ATP8A2: variants seen among roughly 807,000 people sequenced by gnomAD.
ATP8A2 encodes phospholipid-transporting ATPase IB.
ATP8A2 carries 100 observed loss-of-function variants against 165.6 expected under a neutral mutation model. That is an observed-to-expected ratio of 0.60 (90% CI 0.51 to 0.71). The LOEUF is 0.71. Ranked by LOEUF, ATP8A2 falls within the 30% of genes least tolerant of loss-of-function variation. The probability of loss-of-function intolerance (pLI) is 0.00; values close to 1 mark genes in which losing one functional copy is unlikely to be tolerated. For missense variants in ATP8A2, 1,227 were observed against 1,479.5 expected (o/e 0.83, Z 2.80); for synonymous variants, 543 against 548.8 (o/e 0.99, Z 0.15).
At chr13:25,451,290 A>G (rs1566142569) in intron 1 of ATP8A2, among the ~76,000 whole-genome samples, 1 of 152,092 alleles carries the variant, frequency 6.6e-6, no homozygotes, top group Non-Finnish European at 1.5e-5. Context: ...TCAATTCAGC[A>G]AGACTGCAAG....
rs61949366 is a variant in ATP8A2, at chr13:25,845,325, A to G, written c.2956+5701A>G. Among the ~76,000 whole-genome samples the G allele has an allele frequency of 4.9e-3, 749 of 152,312 alleles. 4 individuals are homozygous for G. The highest frequency in any genetic ancestry group is 0.013 in the South Asian group (61 of 4,820). ...ACCCTCCTTGAAGTGTAATGTGGTT[A>G]TTGGCAAAATAATACAAAATCGGTC... is the stretch of plus-strand genomic sequence containing the variant. On this transcript the variant is annotated intron_variant, in intron 30 of 36. Coordinates refer to ENST00000381655, the MANE Select transcript of ATP8A2 (RefSeq NM_016529.6).
chr13:25,866,742 G>A (rs1358747772), intron 33 of ATP8A2, among the ~76,000 whole-genome samples: 1 of 152,166 alleles, frequency 6.6e-6, no homozygotes, highest in Non-Finnish European at 1.5e-5. Flanking sequence ...ATCTCCAGGT[G>A]ATTCTTCCCT....
intron 33 of ATP8A2, among the ~76,000 whole-genome samples, chr13:25,900,065 C>T (rs941096618): frequency 6.6e-6 from 1 of 152,062 alleles, no homozygotes; most frequent in Non-Finnish European, 1.5e-5. Flanking sequence ...TTTGGAAGAG[C>T]TTTATTTCTC....
Position 25,699,161 on chromosome 13 carries a change from C to G in ATP8A2, c.2212-12C>G. On this transcript the variant is annotated splice_polypyrimidine_tract_variant and intron_variant, in intron 24 of 36. Transcript: ENST00000381655. ...ACAAAAAATGTGATTTTCCCCTATA[C>G]TCTTGTTTCAGGCCACAAGGGCAGC... 6.6e-7 allele frequency: 1 copy of G among 1,524,820 alleles called. No individual in the cohort carries two copies. The highest frequency in any genetic ancestry group is 8.8e-7 in the Non-Finnish European group (1 of 1,133,418). 94.5% of individuals were successfully genotyped at this position (1,524,820 alleles called of 1,614,324 possible).
At chr13:25,373,685 C>A (rs1396329490) in intron 1 of ATP8A2, among the ~76,000 whole-genome samples, 1 of 152,162 alleles carries the variant, frequency 6.6e-6, no homozygotes, top group South Asian at 2.1e-4. Context: ...GCACCCCTTG[C>A]TGAGATGGGG....
chr13:25,718,315 A>C (rs1297846903), intron 25 of ATP8A2, among the ~76,000 whole-genome samples: 1 of 152,252 alleles, frequency 6.6e-6, no homozygotes, highest in Non-Finnish European at 1.5e-5. Flanking sequence ...CAACATCTTA[A>C]TATCACAGAG....
chr13:25,939,966 T>C (rs912342420), intron 33 of ATP8A2, among the ~76,000 whole-genome samples: 4 of 152,192 alleles, frequency 2.6e-5, no homozygotes, highest in African/African-American at 9.6e-5. Flanking sequence ...GTTTCTGCCC[T>C]GTCGTCCCCA....
intron 16 of ATP8A2, among the ~76,000 whole-genome samples, chr13:25,570,344 A>C (rs1226561979): frequency 6.6e-6 from 1 of 152,126 alleles, no homozygotes; most frequent in East Asian, 1.9e-4. Flanking sequence ...ACGTGGGTGA[A>C]GCAGAAGCAC....
intron 33 of ATP8A2, among the ~76,000 whole-genome samples, chr13:25,943,110 G>A (rs951434724): frequency 2.0e-5 from 3 of 152,098 alleles, no homozygotes; most frequent in Non-Finnish European, 4.4e-5. Flanking sequence ...CGCCTCCAGG[G>A]TTTGAACCTA....
chr13:25,466,168 C>G (rs1049982686), intron 1 of ATP8A2, among the ~76,000 whole-genome samples: 2 of 152,112 alleles, frequency 1.3e-5, no homozygotes, highest in African/African-American at 4.8e-5. Context: ...CTTTGCTTGG[C>G]ATTGAGTCAT....
In ATP8A2 at chr13:25,502,734, G is replaced by A. The variant is rs578196023; in HGVS notation, c.222-27265G>A. Among the ~76,000 whole-genome samples the A allele has an allele frequency of 8.5e-5, 13 of 152,304 alleles. No homozygotes were observed. The East Asian group carries it at 1.4e-3, about 16-fold the overall frequency. On this transcript the variant is annotated intron_variant, in intron 2 of 36. Transcript: ENST00000381655. Reference sequence around the variant, plus strand: ...TGGACTCAGATGTGACTGTGTGTGCGTGTCGTATCACCTGCTTGTTATGGC... The same window carrying A: ...TGGACTCAGATGTGACTGTGTGTGCATGTCGTATCACCTGCTTGTTATGGC...
chr13:26,005,671 T>C, intron 35 of ATP8A2, among the ~76,000 whole-genome samples: 1 of 152,080 alleles, frequency 6.6e-6, no homozygotes, highest in East Asian at 1.9e-4. Context: ...ATATCTTTGA[T>C]CCATTTTAAG....
At chr13:25,793,040 A>G (rs1226305684) in intron 27 of ATP8A2, among the ~76,000 whole-genome samples, 1 of 150,544 alleles carries the variant, frequency 6.6e-6, no homozygotes, top group African/African-American at 2.5e-5. Flanking sequence ...AGAGAGGAGA[A>G]GAGAAGAGAA....
intron 27 of ATP8A2, among the ~76,000 whole-genome samples, chr13:25,815,675 C>T (rs894736632): frequency 1.3e-5 from 2 of 152,156 alleles, no homozygotes; most frequent in African/African-American, 2.4e-5. Context: ...TCCAGCAATT[C>T]TACTTCTGGG....
At chr13:25,988,994 C>T (rs567987063) in intron 35 of ATP8A2, among the ~76,000 whole-genome samples, 19 of 152,338 alleles carry the variant, frequency 1.2e-4, no homozygotes, top group Non-Finnish European at 2.1e-4. Context: ...TTGCACGGGC[C>T]GTCAGCCTGT....
chr13:25,770,254 G>C (rs1485266976), intron 26 of ATP8A2, among the ~76,000 whole-genome samples: 2 of 152,082 alleles, frequency 1.3e-5, no homozygotes, highest in Non-Finnish European at 2.9e-5. Flanking sequence ...CATGCAGCTG[G>C]AGGCTACGAG....
In ATP8A2 at chr13:25,642,404, G is replaced by A. The variant is rs1216440773; in HGVS notation, c.2211+52705G>A. ...ACAAAGAACTCAAACAAATTTACAA[G>A]AAAAAAACAACCCCATCACAAAGTG... On this transcript the variant is annotated intron_variant, in intron 24 of 36. Coordinates refer to ENST00000381655, the MANE Select transcript of ATP8A2 (RefSeq NM_016529.6). 2.0e-5 allele frequency among the ~76,000 whole-genome samples: 3 copies of A among 151,898 alleles called. No individual in the cohort carries two copies. In the East Asian group the frequency reaches 5.8e-4, roughly 29 times the overall value.
intron 33 of ATP8A2, among the ~76,000 whole-genome samples, chr13:25,866,070 A>C (rs1294444776): frequency 6.6e-6 from 1 of 152,176 alleles, no homozygotes; most frequent in Non-Finnish European, 1.5e-5. Context: ...AGAACTTTGC[A>C]TTGGAAAGAT....
At chr13:25,783,284 C>T (rs17082743) in intron 27 of ATP8A2, among the ~76,000 whole-genome samples, 4,193 of 152,218 alleles carry the variant, frequency 0.028, 184 homozygotes, top group African/African-American at 0.096. Flanking sequence ...CTTGTGCTGA[C>T]AATTGTTGAG....
Sources: allele counts gnomAD v4.1 joint callset (sites outside exome capture counted in the v4.1 genomes callset), GRCh38; gene constraint gnomAD v4.1.1; transcripts MANE v1.5; gene names NCBI Gene and HGNC (gene_info 2026-07-23, HGNC 2026-07-21).